ATP8A2: variants seen among roughly 807,000 people sequenced by gnomAD.
The protein encoded by ATP8A2 is phospholipid-transporting ATPase IB.
Under a neutral mutation model 165.6 loss-of-function variants are expected in ATP8A2, and 100 were observed. The observed-to-expected ratio is 0.60, with a 90% CI of 0.51 to 0.71. The LOEUF (loss-of-function observed/expected upper bound fraction) is 0.71, where lower values mean the gene tolerates loss of function less well. Ranked by LOEUF, ATP8A2 falls within the 30% of genes least tolerant of loss-of-function variation. ATP8A2 has a pLI of 0.00. For missense variants in ATP8A2, 1,227 were observed against 1,479.5 expected (o/e 0.83, Z 2.80); for synonymous variants, 543 against 548.8 (o/e 0.99, Z 0.15).
chr13:25,961,897 A>C (rs1040570961), intron 34 of ATP8A2, among the ~76,000 whole-genome samples: 1 of 152,222 alleles, frequency 6.6e-6, no homozygotes, highest in African/African-American at 2.4e-5. Context: ...GGCAGCGCAT[A>C]GCTCTAGTCT....
At chr13:25,537,292 A>T (rs187166588) in intron 6 of ATP8A2, among the ~76,000 whole-genome samples, 57 of 152,194 alleles carry the variant, frequency 3.7e-4, no homozygotes, top group Non-Finnish European at 6.9e-4. Context: ...TTCATGGGTG[A>T]ATTTACTGTT....
chr13:25,672,561 T>A (rs2042289666), intron 24 of ATP8A2, among the ~76,000 whole-genome samples: 1 of 152,290 alleles, frequency 6.6e-6, no homozygotes, highest in Admixed American at 6.5e-5. Flanking sequence ...GTTCTTTTTT[T>A]AAAAAAAGGA....
chr13:25,611,296 G>T (rs887314093), intron 24 of ATP8A2, among the ~76,000 whole-genome samples: 1 of 151,774 alleles, frequency 6.6e-6, no homozygotes, highest in African/African-American at 2.4e-5. Flanking sequence ...TGTCATAGAT[G>T]ACTTTACATT....
At chr13:25,460,418 T>C (rs1315987782) in intron 1 of ATP8A2, among the ~76,000 whole-genome samples, 1 of 152,176 alleles carries the variant, frequency 6.6e-6, no homozygotes, top group Non-Finnish European at 1.5e-5. Flanking sequence ...CAGAGGAAGT[T>C]GCTAAGGAGA....
At chr13:25,820,086 G>A (rs578262800) in intron 27 of ATP8A2, among the ~76,000 whole-genome samples, 2 of 152,268 alleles carry the variant, frequency 1.3e-5, no homozygotes, top group South Asian at 2.1e-4. Flanking sequence ...GTTAAGTGTC[G>A]GCTGTTAGCT....
intron 33 of ATP8A2, among the ~76,000 whole-genome samples, chr13:25,952,988 C>T (rs1009676894): frequency 7.2e-5 from 11 of 152,076 alleles, no homozygotes; most frequent in South Asian, 2.1e-4. Context: ...GCTCCCTTGA[C>T]GTTTGAATGG....
intron 24 of ATP8A2, among the ~76,000 whole-genome samples, chr13:25,679,972 T>G (rs2042450574): frequency 6.6e-6 from 1 of 151,956 alleles, no homozygotes; most frequent in African/African-American, 2.4e-5. Flanking sequence ...CAGTCTAGAG[T>G]GATTCACAGT....
rs1216081238 is a variant in ATP8A2, at chr13:26,024,772, A to G, written c.*4787A>G. 1 of 152,238 alleles carries G rather than the reference A, an allele frequency of 6.6e-6. No homozygotes were observed. Among genetic ancestry groups the G allele is most frequent in the Non-Finnish European group, 1.5e-5 (1 of 68,054 alleles). 9.4% of individuals were successfully genotyped at this position (152,238 alleles called of 1,614,324 possible). A position where few individuals can be genotyped will look rare whatever the true frequency, so the allele number is the denominator to read the frequency against. ...AAACATGCTCTCAAGATTAGCCCAT[A>G]GGCAGTTCTTGTGACCTGGCTGAAG... On this transcript the variant is annotated 3_prime_UTR_variant, in exon 37 of 37. Coordinates refer to ENST00000381655, the MANE Select transcript of ATP8A2 (RefSeq NM_016529.6).
chr13:25,643,279 C>T (rs2137580609), intron 24 of ATP8A2, among the ~76,000 whole-genome samples: 1 of 152,196 alleles, frequency 6.6e-6, no homozygotes, highest in South Asian at 2.1e-4. Context: ...TGTTTTAATA[C>T]AGGTATAGTT....
At chr13:25,473,046 T>G (rs7988711) in intron 2 of ATP8A2, among the ~76,000 whole-genome samples, 47,417 of 151,982 alleles carry the variant, frequency 0.31, 8,361 homozygotes, top group African/African-American at 0.49. Flanking sequence ...TGAAGAAAGA[T>G]GGTGGGTCTA....
intron 28 of ATP8A2, among the ~76,000 whole-genome samples, chr13:25,829,324 T>C (rs1208446663): frequency 6.6e-6 from 1 of 151,846 alleles, no homozygotes; most frequent in African/African-American, 2.4e-5. Flanking sequence ...AAGACAAAGA[T>C]TAGGAGTGGT....
intron 2 of ATP8A2, 39 bp from the exon 3 acceptor site, chr13:25,529,960 A>G (rs1225374724): frequency 9.5e-6 from 11 of 1,160,006 alleles, no homozygotes; most frequent in Non-Finnish European, 1.4e-5. Context: ...TAGAGTTTAC[A>G]TCTATAACTG....
Position 26,020,251 on chromosome 13 carries a change from T to C in ATP8A2, c.*266T>C, listed in dbSNP as rs1257670204. ...GTCGTTATGAAGCATTCAACTGTGC[T>C]CTGTGAGGTGTGAAATTAAAAACAT... On this transcript the variant is annotated 3_prime_UTR_variant, in exon 37 of 37. Coordinates refer to ENST00000381655, the MANE Select transcript of ATP8A2 (RefSeq NM_016529.6). 4 of 477,752 alleles carry C rather than the reference T, an allele frequency of 8.4e-6. No homozygotes were observed. The highest frequency in any genetic ancestry group is 1.5e-5 in the Non-Finnish European group (4 of 267,970). 29.6% of individuals were successfully genotyped at this position (477,752 alleles called of 1,614,324 possible). A position where few individuals can be genotyped will look rare whatever the true frequency, so the allele number is the denominator to read the frequency against.
chr13:25,608,119 T>G (rs2138414991), intron 24 of ATP8A2, among the ~76,000 whole-genome samples: 1 of 152,330 alleles, frequency 6.6e-6, no homozygotes, highest in Admixed American at 6.5e-5. Flanking sequence ...CTTATTTGGC[T>G]TATGGTTCTG....
intron 1 of ATP8A2, among the ~76,000 whole-genome samples, chr13:25,447,515 C>G (rs1426381366): frequency 1.3e-5 from 2 of 152,124 alleles, no homozygotes; most frequent in Admixed American, 1.3e-4. Context: ...GGAGCAGGTG[C>G]AGGAGCTGGG....
chr13:25,776,829 A>C (rs540713025), intron 27 of ATP8A2, among the ~76,000 whole-genome samples: 1 of 152,224 alleles, frequency 6.6e-6, no homozygotes, highest in African/African-American at 2.4e-5. Flanking sequence ...TTTCTTAATA[A>C]TCTCGTTTTC....
chr13:25,447,413 G>A (rs1195817671), intron 1 of ATP8A2, among the ~76,000 whole-genome samples: 4 of 152,134 alleles, frequency 2.6e-5, no homozygotes, highest in Non-Finnish European at 5.9e-5. Context: ...AGATGGGAGA[G>A]TTCCCTTGAC....
At chr13:25,435,351 C>G (rs79363558) in intron 1 of ATP8A2, among the ~76,000 whole-genome samples, 2,355 of 152,148 alleles carry the variant, frequency 0.015, 65 homozygotes, top group African/African-American at 0.053. Context: ...GAACTCCTAA[C>G]TTCGTGATCC....
rs1163002592 is a variant in ATP8A2, at chr13:25,860,253, C to T, written c.3015C>T (p.Tyr1005=). 6.2e-7 allele frequency: 1 copy of T among 1,605,724 alleles called. No individual in the cohort carries two copies. Among genetic ancestry groups the T allele is most frequent in the African/African-American group, 1.3e-5 (1 of 74,884 alleles). ...TDYLFVGNIV[Y]TYVVVTVCLK... ...ATTTATTTGTTGGAAATATTGTTTACACAGTAAGTTTATCTCTGTTTATTA... is the reference window on the plus strand; with the variant it reads ...ATTTATTTGTTGGAAATATTGTTTATACAGTAAGTTTATCTCTGTTTATTA... Residue 1005 remains tyrosine, a synonymous_variant, in exon 31 of 37, where the codon TAC becomes TAT. Coordinates refer to ENST00000381655, the MANE Select transcript of ATP8A2 (RefSeq NM_016529.6).
Sources: allele counts gnomAD v4.1 joint callset (sites outside exome capture counted in the v4.1 genomes callset), GRCh38; gene constraint gnomAD v4.1.1; transcripts MANE v1.5; gene names NCBI Gene and HGNC (gene_info 2026-07-23, HGNC 2026-07-21).